Variants in CDIN1 observed in about 807,000 individuals in gnomAD.
CDIN1 encodes the protein CDAN1 interacting nuclease 1.
A neutral mutation model predicts 45.3 loss-of-function variants in CDIN1; 33 were observed. The observed-to-expected ratio is 0.73, with a 90% CI of 0.55 to 0.97. The LOEUF (loss-of-function observed/expected upper bound fraction) is 0.97, where lower values mean the gene tolerates loss of function less well. Among genes scored for constraint, CDIN1 ranks in the 50% least tolerant of loss-of-function variants. The pLI, the probability that CDIN1 is intolerant of heterozygous loss-of-function variation, is 0.00. For synonymous variants in CDIN1, 118 were observed against 124.4 expected (o/e 0.95, Z 0.34); for missense variants, 303 against 339.4 (o/e 0.89, Z 0.84).
intron 10 of CDIN1, among the ~76,000 whole-genome samples, chr15:36,741,693 G>A (rs1372251548): frequency 1.3e-5 from 2 of 151,784 alleles, no homozygotes; most frequent in African/African-American, 4.9e-5. Flanking sequence ...CTTGTAGAAG[G>A]GCTTCTTCTT....
chr15:36,655,463 A>T (rs1650835450), intron 4 of CDIN1, among the ~76,000 whole-genome samples: 1 of 151,904 alleles, frequency 6.6e-6, no homozygotes, highest in African/African-American at 2.4e-5. Context: ...AGTTGCTGGG[A>T]CCACAGGCCT....
intron 10 of CDIN1, among the ~76,000 whole-genome samples, chr15:36,786,266 T>C (rs575741226): frequency 6.6e-6 from 1 of 152,242 alleles, no homozygotes; most frequent in African/African-American, 2.4e-5. Context: ...TATGATTTTA[T>C]AACATTGTTG....
Position 36,744,753 on chromosome 15 carries a change from A to G in CDIN1, c.716+34792A>G, listed in dbSNP as rs189269016. 8.9e-4 allele frequency among the ~76,000 whole-genome samples: 135 copies of G among 152,292 alleles called. 1 individual carries two copies. In the South Asian group the frequency reaches 9.1e-3, roughly 10 times the overall value. Reference sequence around the variant, plus strand: ...CTCTGCACATCAAGCTCAGATGATAACTTTGAAAATGGCCTTCAACTATAC... The same window carrying G: ...CTCTGCACATCAAGCTCAGATGATAGCTTTGAAAATGGCCTTCAACTATAC... On this transcript the variant is annotated intron_variant, in intron 10 of 10. Transcript: ENST00000566621.
intron 10 of CDIN1, among the ~76,000 whole-genome samples, chr15:36,763,355 ATTTG>A (rs1206302764): frequency 6.6e-6 from 1 of 151,992 alleles, no homozygotes; most frequent in East Asian, 1.9e-4. Flanking sequence ...TTTCTTGTAA[ATTTG>A]TTTGAGTTGC....
At chr15:36,692,016 T>A in intron 6 of CDIN1, 110 bp from the exon 7 acceptor site, 3 of 521,036 alleles carry the variant, frequency 5.8e-6, no homozygotes, top group Non-Finnish European at 7.1e-6. Context: ...TTTCTTTTTT[T>A]GGGGGGCGGG....
At chr15:36,631,727 CTT>C (rs2039688055) in intron 1 of CDIN1, among the ~76,000 whole-genome samples, 1 of 152,176 alleles carries the variant, frequency 6.6e-6, no homozygotes, top group Non-Finnish European at 1.5e-5. Context: ...TGTGTATAGA[CTT>C]TTGTTTAGAA....
rs114243393 is a variant in CDIN1 at position 36,801,329 on chromosome 15, T to A, written c.717-6995T>A. Among the ~76,000 whole-genome samples the A allele has an allele frequency of 5.9e-3, 900 of 152,112 alleles. 12 individuals carry two copies. Among genetic ancestry groups the A allele is most frequent in the African/African-American group, 0.02 (842 of 41,526 alleles). On this transcript the variant is annotated intron_variant, in intron 10 of 10. Transcript: ENST00000566621. ...TTCACCGTCTTATTACCAAAAGAGA[T>A]GTAAAAGCATACTAGTTTAAAAAAT...
chr15:36,741,091 C>T (rs1457287838), intron 10 of CDIN1, among the ~76,000 whole-genome samples: 1 of 152,126 alleles, frequency 6.6e-6, no homozygotes, highest in East Asian at 1.9e-4. Flanking sequence ...TGTGGACCAC[C>T]ACACCCAGCT....
intron 10 of CDIN1, among the ~76,000 whole-genome samples, chr15:36,759,290 G>T (rs564620263): frequency 6.6e-6 from 1 of 152,144 alleles, no homozygotes; most frequent in Non-Finnish European, 1.5e-5. Context: ...CAGGCCATGG[G>T]TTCTGTACTA....
chr15:36,655,038 G>A (rs1314289390), intron 4 of CDIN1, among the ~76,000 whole-genome samples: 1 of 152,082 alleles, frequency 6.6e-6, no homozygotes. Flanking sequence ...AAGATGACTC[G>A]GTACTGTGAG....
chr15:36,762,739 G>A (rs1276002933), intron 10 of CDIN1, among the ~76,000 whole-genome samples: 2 of 151,940 alleles, frequency 1.3e-5, no homozygotes, highest in African/African-American at 4.8e-5. Flanking sequence ...GAGAACATGC[G>A]GTGTTTGGAT....
At chr15:36,654,846 A>C (rs1277717634) in intron 4 of CDIN1, among the ~76,000 whole-genome samples, 1 of 152,246 alleles carries the variant, frequency 6.6e-6, no homozygotes, top group Non-Finnish European at 1.5e-5. Context: ...TACCAAAAAA[A>C]TAAAATATTT....
chr15:36,613,505 C>T (rs1382352008), intron 1 of CDIN1: 14 of 1,547,712 alleles, frequency 9.0e-6, no homozygotes, highest in Middle Eastern at 2.3e-4. Flanking sequence ...GGCGGTGAAG[C>T]GCAAGATCCA....
At chr15:36,622,130 G>A (rs1295590168) in intron 1 of CDIN1, among the ~76,000 whole-genome samples, 1 of 152,084 alleles carries the variant, frequency 6.6e-6, no homozygotes, top group Non-Finnish European at 1.5e-5. Flanking sequence ...CTTTCATCAT[G>A]GTGTCACCTG....
chr15:36,593,009 G>A (rs1187057262), intron 1 of CDIN1, among the ~76,000 whole-genome samples: 1 of 152,130 alleles, frequency 6.6e-6, no homozygotes, highest in Non-Finnish European at 1.5e-5. Context: ...TAATTGGTAA[G>A]TTTCTTCAGT....
At chr15:36,637,663 C>T (rs1334104187) in intron 1 of CDIN1, among the ~76,000 whole-genome samples, 1 of 152,104 alleles carries the variant, frequency 6.6e-6, no homozygotes, top group African/African-American at 2.4e-5. Context: ...GAGACTCACC[C>T]AGGAGTGAGT....
At chr15:36,621,874 T>TTTTTTTG (rs2039211927) in intron 1 of CDIN1, among the ~76,000 whole-genome samples, 1 of 150,844 alleles carries the variant, frequency 6.6e-6, no homozygotes, top group African/African-American at 2.4e-5. Context: ...CAAGTTCAGT[T>TTTTTTTG]TTTTTTTTTT....
chr15:36,677,099 T>C (rs560884552), intron 5 of CDIN1, among the ~76,000 whole-genome samples: 53 of 152,300 alleles, frequency 3.5e-4, no homozygotes, highest in African/African-American at 1.3e-3. Flanking sequence ...TGTTCATAAA[T>C]GTATTTATTC....
chr15:36,620,904 G>A (rs750082082), intron 1 of CDIN1, among the ~76,000 whole-genome samples: 3 of 152,098 alleles, frequency 2.0e-5, no homozygotes, highest in Non-Finnish European at 4.4e-5. Flanking sequence ...CACTGAAACA[G>A]AACCAGCAAG....
Sources: gnomAD v4.1 joint callset for allele counts (sites outside exome capture counted in the v4.1 genomes callset) on GRCh38, gnomAD v4.1.1 for gene constraint, MANE v1.5 for transcripts, NCBI Gene and HGNC (gene_info 2026-07-23, HGNC 2026-07-21) for gene names.